Variants in MFSD11 observed in about 807,000 individuals in gnomAD.
MFSD11 encodes UNC93-like protein MFSD11.
In MFSD11, 36 loss-of-function variants were observed where a neutral mutation model predicts 53.5. The ratio of observed to expected loss-of-function variants is 0.67; its 90% CI spans 0.52 to 0.89. The LOEUF is 0.89. Ranked by LOEUF, MFSD11 falls within the 40% of genes least tolerant of loss-of-function variation. MFSD11 has a pLI of 0.00. For synonymous variants in MFSD11, 186 were observed against 184.9 expected, an observed-to-expected ratio of 1.01 and a Z score of -0.05; for missense variants, 530 against 543.9, an observed-to-expected ratio of 0.97 and a Z score of 0.25.
intron 12 of MFSD11, 62 bp from the exon 13 acceptor site, chr17:76,778,126 G>C (rs775979140): frequency 2.5e-4 from 398 of 1,574,726 alleles, no homozygotes; most frequent in Non-Finnish European, 3.3e-4. Flanking sequence ...GGGGCTAGGG[G>C]CTAACTGTGG....
the MFSD11 span, among the ~76,000 whole-genome samples, chr17:76,790,509 G>A: frequency 7.0e-6 from 1 of 143,460 alleles, no homozygotes; most frequent in African/African-American, 2.7e-5. Context: ...ACCCACCACA[G>A]GTTTTGCCGT....
chr17:76,764,464 G>C (rs1403453175), intron 8 of MFSD11, among the ~76,000 whole-genome samples: 4 of 152,062 alleles, frequency 2.6e-5, no homozygotes, highest in African/African-American at 7.2e-5. Context: ...CTATGAGTTT[G>C]ACTTTTTAAT....
rs191431420 is a variant in MFSD11 at position 76,739,097 on chromosome 17, G to A, written c.152+104G>A. 236 of 879,698 alleles carry A rather than the reference G, an allele frequency of 2.7e-4. 1 individual carries two copies. In the Middle Eastern group the frequency reaches 5.2e-3, roughly 19 times the overall value. 54.5% of individuals were successfully genotyped at this position (879,698 alleles called of 1,614,324 possible). On this transcript the variant is annotated intron_variant, in intron 2 of 12. Transcript: ENST00000685175. ...TATTGTGATTGAATAAGTGGTGATG[G>A]CATTTTCTCTTCTCAGTGCCTAGAC...
Position 76,761,703 on chromosome 17 carries a change from A to G in MFSD11, c.683-5683A>G, listed in dbSNP as rs112483261. Among the ~76,000 whole-genome samples, 311 of 151,780 alleles carry G rather than the reference A, an allele frequency of 2.0e-3. 4 individuals carry two copies. Among genetic ancestry groups the G allele is most frequent in the African/African-American group, 7.2e-3 (297 of 41,382 alleles). Reference sequence around the variant, plus strand: ...TTTGGGAGGCCGAGGCGGGCGGATCATGAGGTCAGGAGATCAACACCATCC... The same window carrying G: ...TTTGGGAGGCCGAGGCGGGCGGATCGTGAGGTCAGGAGATCAACACCATCC... On this transcript the variant is annotated intron_variant, in intron 8 of 12. Transcript: ENST00000685175.
chr17:76,763,456 A>T (rs540460336), intron 8 of MFSD11, among the ~76,000 whole-genome samples: 5 of 151,700 alleles, frequency 3.3e-5, no homozygotes, highest in Non-Finnish European at 7.4e-5. Flanking sequence ...TAGAGATGGG[A>T]TTTCACCATG....
downstream of MFSD11, among the ~76,000 whole-genome samples, chr17:76,780,249 C>G (rs2082124552): frequency 6.6e-6 from 1 of 152,186 alleles, no homozygotes; most frequent in African/African-American, 2.4e-5. Context: ...TCTGGCATGG[C>G]AACCACGAAT....
At chr17:76,781,177 C>G (rs976320568), downstream of MFSD11, 1 of 152,168 alleles carries the variant, frequency 6.6e-6, no homozygotes. Flanking sequence ...CCTGCTCACT[C>G]GTATAGTTGT....
chr17:76,761,356 A>T (rs964623424), intron 8 of MFSD11, among the ~76,000 whole-genome samples: 1 of 152,218 alleles, frequency 6.6e-6, no homozygotes, highest in Non-Finnish European at 1.5e-5. Flanking sequence ...ATAATTAAAT[A>T]TTGTGGCAAG....
chr17:76,762,800 C>T (rs931151584), intron 8 of MFSD11, among the ~76,000 whole-genome samples: 1 of 151,994 alleles, frequency 6.6e-6, no homozygotes, highest in Non-Finnish European at 1.5e-5. Flanking sequence ...CAATTAAGCA[C>T]CGGCGGGAAA....
In MFSD11 at chr17:76,769,880, TA is replaced by T. The variant is rs774267221; in HGVS notation, c.874+17del. The T allele has an allele frequency of 7.5e-6, 12 of 1,600,022 alleles. No homozygotes were observed. Among genetic ancestry groups the T allele is most frequent in the Admixed American group, 5.4e-5 (3 of 55,778 alleles). On this transcript the variant is annotated intron_variant, in intron 10 of 12. Transcript: ENST00000685175. ...CATTGGAGAAATTTTAGGTTGGTTT[TA>T]AAAAAAAGCGTTTGCATTAAAAATA...
chr17:76,792,284 A>G, the MFSD11 span, among the ~76,000 whole-genome samples: 4 of 151,016 alleles, frequency 2.6e-5, 1 homozygote, highest in African/African-American at 9.9e-5. Context: ...ACATCCAGCT[A>G]ATTTTTGTAT....
At chr17:76,761,241 C>T (rs1598658891) in intron 8 of MFSD11, among the ~76,000 whole-genome samples, 1 of 152,026 alleles carries the variant, frequency 6.6e-6, no homozygotes, top group Non-Finnish European at 1.5e-5. Flanking sequence ...ACTTGTAGTA[C>T]TTTATAAAAA....
At chr17:76,747,494 C>G (rs1416908307) in intron 7 of MFSD11, among the ~76,000 whole-genome samples, 1 of 151,994 alleles carries the variant, frequency 6.6e-6, no homozygotes, top group Non-Finnish European at 1.5e-5. Context: ...GCCACCATAC[C>G]CAGCTAATTT....
chr17:76,786,555 C>T, the MFSD11 span, among the ~76,000 whole-genome samples: 1 of 152,166 alleles, frequency 6.6e-6, no homozygotes, highest in Non-Finnish European at 1.5e-5. Flanking sequence ...AAGGACTCAG[C>T]AGAGCATACA....
chr17:76,777,566 G>A (rs2081962974), intron 12 of MFSD11, among the ~76,000 whole-genome samples: 1 of 151,210 alleles, frequency 6.6e-6, no homozygotes, highest in Non-Finnish European at 1.5e-5. Context: ...TTATTTTTTT[G>A]TTTCCTCTTT....
rs778966295 is a variant in MFSD11, at chr17:76,776,560, G to A, written c.1185+19G>A. 138 of 1,612,182 alleles carry A rather than the reference G, an allele frequency of 8.6e-5. No homozygotes were observed. The highest frequency in any genetic ancestry group is 1.1e-4 in the Non-Finnish European group (133 of 1,179,508). ...TGTTCAGGTAACCTCTTCAGATTGT[G>A]ATTGTGTTTGACATAGGGCTCTTCC... On this transcript the variant is annotated intron_variant, in intron 12 of 12. Coordinates refer to ENST00000685175, the MANE Select transcript of MFSD11 (RefSeq NM_001242532.5). The surrounding 1 kb of genome is among the most constrained non-coding windows in gnomAD (Gnocchi z 4.2).
At position 76,741,074 on chromosome 17, in the gene MFSD11, G is replaced by C; in HGVS notation, c.260+10G>C. The C allele has an allele frequency of 2.0e-6, 3 of 1,463,834 alleles. No individual in the cohort carries two copies. Among genetic ancestry groups the C allele is most frequent in the Non-Finnish European group, 2.9e-6 (3 of 1,044,262 alleles). The allele number at this position is 1,463,834 out of a possible 1,614,324, so 90.7% of individuals were successfully genotyped here. A position where few individuals can be genotyped will look rare whatever the true frequency, so the allele number is the denominator to read the frequency against. ...GTGGTTTATTTTACAGGTAAGTAGT[G>C]TAATCTTGCACTTATTTAATCAGAA... On this transcript the variant is annotated intron_variant, in intron 3 of 12. Coordinates refer to ENST00000685175, the MANE Select transcript of MFSD11 (RefSeq NM_001242532.5).
chr17:76,792,648 T>C, the MFSD11 span, among the ~76,000 whole-genome samples: 1 of 151,332 alleles, frequency 6.6e-6, no homozygotes, highest in Non-Finnish European at 1.5e-5. Flanking sequence ...AATATGTTAG[T>C]TCCATGGTAA....
downstream of MFSD11, among the ~76,000 whole-genome samples, chr17:76,782,421 C>T (rs1407894017): frequency 1.3e-5 from 2 of 150,072 alleles, no homozygotes; most frequent in Admixed American, 6.7e-5. Flanking sequence ...GTGATCCACC[C>T]GTCTCAGCCT....
Sources: allele counts gnomAD v4.1 joint callset (sites outside exome capture counted in the v4.1 genomes callset), GRCh38; gene constraint gnomAD v4.1.1; non-coding constraint Gnocchi (gnomAD v3.1); transcripts MANE v1.5; gene names NCBI Gene and HGNC (gene_info 2026-07-23, HGNC 2026-07-21).